The following VWA8 variants were observed in gnomAD, a reference collection of about 807,000 sequenced individuals.
VWA8 encodes the protein von Willebrand factor A domain-containing protein 8.
A neutral mutation model predicts 241.5 loss-of-function variants in VWA8; 221 were observed. The ratio of observed to expected loss-of-function variants is 0.91; its 90% CI spans 0.82 to 1.02. The LOEUF is 1.02. Among genes scored for constraint, VWA8 ranks in the 50% least tolerant of loss-of-function variants. The pLI, the probability that VWA8 is intolerant of heterozygous loss-of-function variation, is 0.00. For synonymous variants in VWA8, 852 were observed against 827.1 expected (o/e 1.03, Z -0.52); for missense variants, 2,322 against 2,328.7 (o/e 1.00, Z 0.06).
intron 21 of VWA8, among the ~76,000 whole-genome samples, chr13:41,737,827 A>G (rs530408498): frequency 1.3e-5 from 2 of 152,098 alleles, no homozygotes; most frequent in African/African-American, 4.8e-5. Context: ...TTCCCCACAC[A>G]ACTCCCTCTT....
chr13:41,729,285 A>T (rs566125667), intron 23 of VWA8, among the ~76,000 whole-genome samples: 1 of 152,192 alleles, frequency 6.6e-6, no homozygotes, highest in African/African-American at 2.4e-5. Context: ...TTGGTATGTC[A>T]GAGTAGAAAA....
At chr13:41,871,518 A>AC (rs1873613212) in intron 9 of VWA8, among the ~76,000 whole-genome samples, 1 of 151,870 alleles carries the variant, frequency 6.6e-6, no homozygotes, top group Non-Finnish European at 1.5e-5. Flanking sequence ...ATGTGTTCTC[A>AC]TTGTTCCATT....
chr13:41,898,806 A>G (rs547450252), intron 4 of VWA8, among the ~76,000 whole-genome samples: 254 of 590 alleles, frequency 0.43, 2 homozygotes, highest in African/African-American at 0.48. Context: ...TACACCCTCC[A>G]CACGCCGCTG....
At chr13:41,570,077 C>T (rs937953202) in intron 44 of VWA8, among the ~76,000 whole-genome samples, 6 of 152,084 alleles carry the variant, frequency 3.9e-5, no homozygotes, top group African/African-American at 1.2e-4. Flanking sequence ...CACACACTAT[C>T]TCCTATGCTA....
rs114265467 is a variant in VWA8 at position 41,622,934 on chromosome 13, C to T, written c.4612-7850G>A. 4.6e-3 allele frequency among the ~76,000 whole-genome samples: 696 copies of T among 152,324 alleles called. 9 individuals are homozygous for T. Among genetic ancestry groups the T allele is most frequent in the African/African-American group, 0.016 (655 of 41,566 alleles). On this transcript the variant is annotated intron_variant, in intron 37 of 44. Coordinates refer to ENST00000379310, the MANE Select transcript of VWA8 (RefSeq NM_015058.2). Reference sequence around the variant, plus strand: ...GCAGACATTTCTCATGTGAGCCTACCTCACGTTCATTTCCTCTTTTTTCCT... The same window carrying T: ...GCAGACATTTCTCATGTGAGCCTACTTCACGTTCATTTCCTCTTTTTTCCT...
intron 42 of VWA8, among the ~76,000 whole-genome samples, chr13:41,582,462 G>A (rs1040439040): frequency 6.6e-6 from 1 of 152,120 alleles, no homozygotes; most frequent in African/African-American, 2.4e-5. Flanking sequence ...TTACAACTGA[G>A]GGATAACTGC....
intron 37 of VWA8, among the ~76,000 whole-genome samples, chr13:41,630,293 T>C (rs2044717887): frequency 6.6e-6 from 1 of 151,998 alleles, no homozygotes. Context: ...CCCTCCTTGT[T>C]GACTGTGAGC....
At chr13:41,693,096 T>C in intron 29 of VWA8, 124 bp from the exon 30 acceptor site, 1 of 605,572 alleles carries the variant, frequency 1.7e-6, no homozygotes, top group South Asian at 2.0e-5. Flanking sequence ...AAGACAATAT[T>C]GTAATACTTA....
At chr13:41,844,792 C>T (rs1872212649) in intron 12 of VWA8, among the ~76,000 whole-genome samples, 1 of 129,258 alleles carries the variant, frequency 7.7e-6, no homozygotes, top group African/African-American at 3.1e-5. Flanking sequence ...TTTACAATAG[C>T]TGCCAAAAAA....
chr13:41,807,366 A>G (rs1164206821), intron 17 of VWA8, among the ~76,000 whole-genome samples: 1 of 152,076 alleles, frequency 6.6e-6, no homozygotes, highest in Non-Finnish European at 1.5e-5. Flanking sequence ...TGATACCAAA[A>G]CCAGAGAAGA....
At chr13:41,811,568 A>G (rs941588027) in intron 16 of VWA8, among the ~76,000 whole-genome samples, 2 of 152,206 alleles carry the variant, frequency 1.3e-5, no homozygotes, top group Admixed American at 6.5e-5. Flanking sequence ...AAATTTAATT[A>G]ATGTATTTTA....
chr13:41,839,372 G>A (rs371135594), intron 12 of VWA8, among the ~76,000 whole-genome samples: 6 of 152,062 alleles, frequency 3.9e-5, no homozygotes, highest in Non-Finnish European at 8.8e-5. Context: ...TAAGTTCCTT[G>A]TAGATTCTGG....
intron 24 of VWA8, among the ~76,000 whole-genome samples, chr13:41,726,123 A>G (rs2045430662): frequency 6.6e-6 from 1 of 152,032 alleles, no homozygotes. Context: ...TATTTTGAGT[A>G]TTGATTTTTT....
chr13:41,741,553 T>A (rs146775345), intron 21 of VWA8, among the ~76,000 whole-genome samples: 2 of 152,208 alleles, frequency 1.3e-5, no homozygotes, highest in African/African-American at 4.8e-5. Flanking sequence ...CACATGAGTA[T>A]CTCCTTGACA....
intron 21 of VWA8, among the ~76,000 whole-genome samples, chr13:41,753,547 T>C (rs1002366727): frequency 1.3e-5 from 2 of 152,106 alleles, no homozygotes; most frequent in African/African-American, 2.4e-5. Flanking sequence ...CAAAAGTAAT[T>C]ACTTTCATTA....
At chr13:41,800,268 T>C (rs893719244) in intron 17 of VWA8, among the ~76,000 whole-genome samples, 3 of 152,226 alleles carry the variant, frequency 2.0e-5, no homozygotes, top group African/African-American at 7.2e-5. Context: ...CCTGTTTTTG[T>C]TTCTCTTGGA....
At chr13:41,832,181 G>A (rs1871499718) in intron 13 of VWA8, among the ~76,000 whole-genome samples, 3 of 152,166 alleles carry the variant, frequency 2.0e-5, no homozygotes, top group South Asian at 4.2e-4. Flanking sequence ...TGCCCACCTC[G>A]GCCTCCCAAA....
At chr13:41,677,759 G>T (rs948896305) in intron 35 of VWA8, among the ~76,000 whole-genome samples, 1 of 151,754 alleles carries the variant, frequency 6.6e-6, no homozygotes, top group Non-Finnish European at 1.5e-5. Context: ...TTTCTGATTA[G>T]AATTATATAT....
At chr13:41,824,522 G>GT (rs1234451368) in intron 14 of VWA8, among the ~76,000 whole-genome samples, 13 of 152,102 alleles carry the variant, frequency 8.5e-5, no homozygotes, top group Non-Finnish European at 1.9e-4. Flanking sequence ...TTGGAAAGTG[G>GT]TTTTAAAGAA....
Sources: allele counts gnomAD v4.1 joint callset (sites outside exome capture counted in the v4.1 genomes callset), GRCh38; gene constraint gnomAD v4.1.1; transcripts MANE v1.5; gene names NCBI Gene and HGNC (gene_info 2026-07-23, HGNC 2026-07-21).